The following LRIG1 variants were observed in gnomAD, a reference collection of about 807,000 sequenced individuals.
The protein encoded by LRIG1 is leucine-rich repeats and immunoglobulin-like domains protein 1.
Under a neutral mutation model 99.2 loss-of-function variants are expected in LRIG1, and 48 were observed. That is an observed-to-expected ratio of 0.48 (90% confidence interval 0.38 to 0.62). The LOEUF is 0.62. LRIG1 is among the 20% of genes least tolerant of loss of function. The probability of loss-of-function intolerance (pLI) is 0.00; values close to 1 mark genes in which losing one functional copy is unlikely to be tolerated. For missense variants in LRIG1, 1,646 were observed against 1,434.4 expected (o/e 1.15, Z -2.38); for synonymous variants, 772 against 596.1 (o/e 1.29, Z -4.30).
chr3:66,383,633 C>A (rs1366275532), intron 14 of LRIG1, among the ~76,000 whole-genome samples: 2 of 152,134 alleles, frequency 1.3e-5, no homozygotes, highest in African/African-American at 4.8e-5. Context: ...CCCTGCTATT[C>A]CCTAACTGTC....
chr3:66,465,879 C>G (rs1700462753), intron 1 of LRIG1, among the ~76,000 whole-genome samples: 2 of 152,134 alleles, frequency 1.3e-5, no homozygotes, highest in Admixed American at 1.3e-4. Flanking sequence ...TCTGTCCTAG[C>G]CCCTGGCAAC....
At chr3:66,438,121 G>T (rs566099291) in intron 3 of LRIG1, among the ~76,000 whole-genome samples, 1 of 152,262 alleles carries the variant, frequency 6.6e-6, no homozygotes, top group East Asian at 1.9e-4. Flanking sequence ...TGGATGCTTG[G>T]GAGCCAAGGC....
At position 66,386,259 on chromosome 3, in the gene LRIG1, G is replaced by T. The variant is rs1411506527; in HGVS notation, c.1511C>A (p.Thr504Asn). Residue 504 changes from threonine (T) to asparagine (N), a missense_variant, in exon 13 of 19, where the codon ACC becomes AAC. By Grantham distance (65) the Thr-to-Asn change is moderately conservative. Transcript: ENST00000273261. ...KPQIITQPET[T>N]MAMVGKDIRF... Reference sequence around the variant, plus strand: ...GATGTCCTTGCCCACCATAGCCATGGTGGTTTCTGGCTGGGTGATGATCTG... The same window carrying T: ...GATGTCCTTGCCCACCATAGCCATGTTGGTTTCTGGCTGGGTGATGATCTG... The T allele has an allele frequency of 6.2e-7, 1 of 1,614,008 alleles. No individual in the cohort carries two copies. The highest frequency in any genetic ancestry group is 1.3e-5 in the African/African-American group (1 of 74,896).
At chr3:66,467,180 C>T (rs965725380) in intron 1 of LRIG1, among the ~76,000 whole-genome samples, 13 of 152,180 alleles carry the variant, frequency 8.5e-5, no homozygotes, top group African/African-American at 2.7e-4. Flanking sequence ...CCTAACAAGT[C>T]CCCTTGCCCC....
At chr3:66,420,767 G>C (rs1422898100) in intron 3 of LRIG1, among the ~76,000 whole-genome samples, 1 of 152,202 alleles carries the variant, frequency 6.6e-6, no homozygotes, top group Non-Finnish European at 1.5e-5. Context: ...GTAGAATGGT[G>C]GTGTCCAGGG....
chr3:66,436,466 A>G (rs551764193), intron 3 of LRIG1, among the ~76,000 whole-genome samples: 1 of 152,352 alleles, frequency 6.6e-6, no homozygotes, highest in East Asian at 1.9e-4. Flanking sequence ...CTAAACTTAC[A>G]TGACCACAAA....
intron 1 of LRIG1, among the ~76,000 whole-genome samples, chr3:66,477,660 C>T (rs1050033623): frequency 1.3e-5 from 2 of 152,204 alleles, no homozygotes; most frequent in Non-Finnish European, 2.9e-5. Flanking sequence ...CCCCTCTCGC[C>T]TCAAACCTTA....
chr3:66,457,158 A>G lies in LRIG1; in HGVS notation c.290+5280T>C, dbSNP rs142842093. Among the ~76,000 whole-genome samples the G allele has an allele frequency of 2.9e-3, 448 of 152,222 alleles. 2 individuals carry two copies. The highest frequency in any genetic ancestry group is 0.01 in the African/African-American group (434 of 41,540). On this transcript the variant is annotated intron_variant, in intron 2 of 18. Transcript: ENST00000273261. ...GCTCCATTCTCAATGAGGGCTCCAG[A>G]CTGAAGGCTCTATAAAGTTTGGGAG...
chr3:66,444,313 G>A (rs1483354958), intron 3 of LRIG1, among the ~76,000 whole-genome samples: 3 of 152,192 alleles, frequency 2.0e-5, no homozygotes, highest in Non-Finnish European at 4.4e-5. Context: ...ACAGTCATGG[G>A]CCTCCAACCC....
intron 3 of LRIG1, among the ~76,000 whole-genome samples, chr3:66,450,026 G>A (rs1469890941): frequency 6.6e-6 from 1 of 152,198 alleles, no homozygotes; most frequent in African/African-American, 2.4e-5. Context: ...CAAGTGCTTT[G>A]CTTTATGGAC....
intron 1 of LRIG1, among the ~76,000 whole-genome samples, chr3:66,474,953 C>A (rs1405737354): frequency 6.6e-6 from 1 of 152,164 alleles, no homozygotes; most frequent in East Asian, 1.9e-4. Flanking sequence ...CTAAGAAACA[C>A]CATGTGTACT....
At chr3:66,496,826 A>T (rs1176249452) in intron 1 of LRIG1, among the ~76,000 whole-genome samples, 8 of 152,242 alleles carry the variant, frequency 5.3e-5, no homozygotes, top group Non-Finnish European at 8.8e-5. Flanking sequence ...GATGGAAAGT[A>T]TTTTCCAAAC....
chr3:66,387,425 T>C (rs1181178864), intron 12 of LRIG1: 2 of 151,930 alleles, frequency 1.3e-5, no homozygotes, highest in African/African-American at 4.8e-5. Flanking sequence ...CGGTAAAGGA[T>C]AGGAGACAGT....
chr3:66,397,971 T>G (rs1162096876), intron 11 of LRIG1, 141 bp downstream of exon 11: 4 of 663,942 alleles, frequency 6.0e-6, no homozygotes, highest in African/African-American at 5.4e-5. Context: ...CAAGTAGTCA[T>G]GACAGAGACT....
intron 9 of LRIG1, among the ~76,000 whole-genome samples, chr3:66,400,762 A>G: frequency 6.6e-6 from 1 of 152,232 alleles, no homozygotes; most frequent in Non-Finnish European, 1.5e-5. Flanking sequence ...GCCCTGAAGC[A>G]AACCAAAGAT....
At chr3:66,396,382 T>C (rs1701850440) in intron 11 of LRIG1, among the ~76,000 whole-genome samples, 1 of 152,254 alleles carries the variant, frequency 6.6e-6, no homozygotes, top group South Asian at 2.1e-4. Context: ...CTGGCTCACA[T>C]GGTGCATTTT....
chr3:66,495,785 A>AC (rs1343634976), intron 1 of LRIG1, among the ~76,000 whole-genome samples: 1 of 152,112 alleles, frequency 6.6e-6, no homozygotes, highest in Non-Finnish European at 1.5e-5. Flanking sequence ...GTCACACAAA[A>AC]CCCCAGTGCT....
At chr3:66,406,311 C>T in intron 8 of LRIG1, 1 of 985,604 alleles carries the variant, frequency 1.0e-6, no homozygotes, top group Non-Finnish European at 1.2e-6. Flanking sequence ...GGGGCTGTGG[C>T]TTTGTGTGCC....
chr3:66,383,519 C>T (rs1235945789), intron 14 of LRIG1, 118 bp from the exon 15 acceptor site: 2 of 927,246 alleles, frequency 2.2e-6, no homozygotes, highest in Non-Finnish European at 3.2e-6. Flanking sequence ...GAGATTCTGT[C>T]TCAGAGTGGC....
Sources: allele counts gnomAD v4.1 joint callset (sites outside exome capture counted in the v4.1 genomes callset), GRCh38; gene constraint gnomAD v4.1.1; transcripts MANE v1.5; gene names NCBI Gene and HGNC (gene_info 2026-07-23, HGNC 2026-07-21).